The following GNAS variants were observed in gnomAD, a reference collection of about 807,000 sequenced individuals.
GNAS encodes the protein protein ALEX.
GNAS carries 8 observed loss-of-function variants against 54.5 expected under a neutral mutation model. The observed-to-expected ratio is 0.15, with a 90% CI of 0.09 to 0.26. The LOEUF (loss-of-function observed/expected upper bound fraction) is 0.26, where lower values mean the gene tolerates loss of function less well. Ranked by LOEUF, GNAS falls within the 10% of genes least tolerant of loss-of-function variation. The pLI, the probability that GNAS is intolerant of heterozygous loss-of-function variation, is 1.00. For missense variants in GNAS, 170 were observed against 529.8 expected (o/e 0.32, Z 6.67); for synonymous variants, 204 against 191.4 (o/e 1.07, Z -0.54).
At chr20:58,897,660 CTGTTTTCTTTTT>C (rs1037634015) in intron 2 of GNAS, 8 of 152,300 alleles carry the variant, frequency 5.3e-5, no homozygotes, top group African/African-American at 1.9e-4. Flanking sequence ...CTTCTCTTTT[CTGTTTTCTTTTT>C]GGAAAGAGGA....
In GNAS at chr20:58,910,901, G is replaced by C; in HGVS notation, c.*72G>C. On this transcript the variant is annotated 3_prime_UTR_variant, in exon 13 of 13. Transcript: ENST00000371085. The surrounding 1 kb of genome is among the most constrained non-coding windows in gnomAD (Gnocchi z 5.8). Reference sequence around the variant, plus strand: ...AAAGTGAAACGTAATTGTACAAGCAGTTAATCACCCACCATAGGGCATGAT... The same window carrying C: ...AAAGTGAAACGTAATTGTACAAGCACTTAATCACCCACCATAGGGCATGAT... The C allele has an allele frequency of 7.0e-7, 1 of 1,437,688 alleles. No individual in the cohort carries two copies. Among genetic ancestry groups the C allele is most frequent in the Non-Finnish European group, 9.8e-7 (1 of 1,024,682 alleles). 89.1% of individuals were successfully genotyped at this position (1,437,688 alleles called of 1,614,324 possible).
chr20:58,848,700 C>T (rs2086037721), intron 1 of GNAS, among the ~76,000 whole-genome samples: 1 of 152,098 alleles, frequency 6.6e-6, no homozygotes, highest in African/African-American at 2.4e-5. Context: ...CCAATCAGGC[C>T]AATCAAGGTG....
At chr20:58,845,656 A>C (rs2085916391) in intron 1 of GNAS, among the ~76,000 whole-genome samples, 4 of 152,162 alleles carry the variant, frequency 2.6e-5, no homozygotes, top group Admixed American at 2.6e-4. Flanking sequence ...TAAATTTTTT[A>C]CTGGTATTTG....
chr20:58,901,423 C>G, intron 3 of GNAS, among the ~76,000 whole-genome samples: 1 of 152,170 alleles, frequency 6.6e-6, no homozygotes, highest in Non-Finnish European at 1.5e-5. Context: ...GTCTGGGGGC[C>G]AGAATCAGAT....
chr20:58,855,561 AGTG>A, intron 1 of GNAS: 3 of 718,178 alleles, frequency 4.2e-6, no homozygotes, highest in African/African-American at 1.7e-5. Context: ...CAGGGAGAAA[AGTG>A]GTGCCGAGCG....
Position 58,853,680 on chromosome 20 carries a change from A to T in GNAS, c.43+12794A>T. On this transcript the variant is annotated intron_variant, in intron 1 of 12. Coordinates refer to the GNAS transcript ENST00000306090. The surrounding 1 kb of genome is among the most constrained non-coding windows in gnomAD (Gnocchi z 4.4). ...CCTTGAGGCCTTCGGCCCAGCACTCATGGAGCCCGGAGCCTTCAGTGGTGC... is the reference window on the plus strand; with the variant it reads ...CCTTGAGGCCTTCGGCCCAGCACTCTTGGAGCCCGGAGCCTTCAGTGGTGC... 1.2e-6 allele frequency: 2 copies of T among 1,613,720 alleles called. No individual in the cohort carries two copies. Among genetic ancestry groups the T allele is most frequent in the Non-Finnish European group, 1.7e-6 (2 of 1,179,848 alleles).
At chr20:58,845,480 C>T (rs993354973) in intron 1 of GNAS, among the ~76,000 whole-genome samples, 1 of 152,104 alleles carries the variant, frequency 6.6e-6, no homozygotes. Context: ...CGCACCGCAT[C>T]CCCCAAAACC....
At chr20:58,880,966 G>A (rs568864061) in intron 1 of GNAS, among the ~76,000 whole-genome samples, 32 of 152,316 alleles carry the variant, frequency 2.1e-4, no homozygotes, top group South Asian at 1.9e-3. Flanking sequence ...ATTTAAGAAC[G>A]TGCCAGGTAT....
Position 58,895,598 on chromosome 20 carries a change from C to A in GNAS, c.140-14C>A. 6.4e-7 allele frequency: 1 copy of A among 1,556,632 alleles called. No homozygotes were observed. Among genetic ancestry groups the A allele is most frequent in the Non-Finnish European group, 8.9e-7 (1 of 1,127,494 alleles). On this transcript the variant is annotated splice_polypyrimidine_tract_variant and intron_variant, in intron 1 of 12. Coordinates refer to ENST00000371085, the MANE Select transcript of GNAS (RefSeq NM_000516.7). ...TGCCTCCTTCATAACCTGAGACTTA[C>A]TTTCATTTTCTAGGTGCTGGAGAAT... is the stretch of plus-strand genomic sequence containing the variant.
chr20:58,866,668 AT>A (rs1402193986), intron 1 of GNAS, among the ~76,000 whole-genome samples: 1 of 152,108 alleles, frequency 6.6e-6, no homozygotes, highest in Non-Finnish European at 1.5e-5. Context: ...GAGTTTTCAG[AT>A]TGTAACATCT....
At chr20:58,901,889 T>TC (rs1353535886) in intron 3 of GNAS, among the ~76,000 whole-genome samples, 2 of 127,532 alleles carry the variant, frequency 1.6e-5, no homozygotes, top group Non-Finnish European at 3.1e-5. Context: ...GCTCGTCTGC[T>TC]CGTCTGCTCT....
Position 58,910,504 on chromosome 20 carries a change from A to G in GNAS, c.1038+103A>G, listed in dbSNP as rs1009767990. The G allele has an allele frequency of 2.6e-6, 3 of 1,164,616 alleles. No homozygotes were observed. Among genetic ancestry groups the G allele is most frequent in the African/African-American group, 1.5e-5 (1 of 66,142 alleles). 72.1% of individuals were successfully genotyped at this position (1,164,616 alleles called of 1,614,324 possible). A position where few individuals can be genotyped will look rare whatever the true frequency, so the allele number is the denominator to read the frequency against. On this transcript the variant is annotated intron_variant, in intron 12 of 12. Coordinates refer to ENST00000371085, the MANE Select transcript of GNAS (RefSeq NM_000516.7). This position sits in a 1 kb window ranked among gnomAD's most constrained non-coding sequence, Gnocchi z 5.8. ...TTCAGGGGTTCAGCTACCCAGTTCC[A>G]TGGTTTTAGTTCACGCACATCCAGT...
rs193160248 is a variant in GNAS, at chr20:58,849,770, T to G, written c.43+8884T>G. On this transcript the variant is annotated intron_variant, in intron 1 of 12. Coordinates refer to the GNAS transcript ENST00000306090. The stretch of plus-strand genomic sequence containing the variant: ...GAGTGCCGTCCTTCAGCCTTCCTGC[T>G]TCCTTCACCGTGCTAGGTCTCTCCT... 8.5e-5 allele frequency among the ~76,000 whole-genome samples: 13 copies of G among 152,324 alleles called. No individual in the cohort carries two copies. The East Asian group carries it at 2.5e-3, about 29-fold the overall frequency.
intron 1 of GNAS, among the ~76,000 whole-genome samples, chr20:58,869,994 C>T (rs553658325): frequency 6.6e-6 from 1 of 152,304 alleles, no homozygotes; most frequent in South Asian, 2.1e-4. Flanking sequence ...CTGCACCACC[C>T]CACCCAGCAG....
chr20:58,871,633 AC>A (rs2087466024), intron 1 of GNAS, among the ~76,000 whole-genome samples: 9 of 131,802 alleles, frequency 6.8e-5, no homozygotes, highest in South Asian at 2.4e-4. Flanking sequence ...AAAAAAACAA[AC>A]AACAAAAAAA....
chr20:58,853,627 C>T lies in GNAS; in HGVS notation c.43+12741C>T. The T allele has an allele frequency of 6.2e-7, 1 of 1,613,442 alleles. No homozygotes were observed. The highest frequency in any genetic ancestry group is 1.3e-5 in the African/African-American group (1 of 75,076). On this transcript the variant is annotated intron_variant, in intron 1 of 12. Transcript: ENST00000306090. This position sits in a 1 kb window ranked among gnomAD's most constrained non-coding sequence, Gnocchi z 4.4. ...GGCTTCTGGCCTACACTGGAGCAGCCTGGATTCCCCAGTGGGGTCCATGCA... is the reference window on the plus strand; with the variant it reads ...GGCTTCTGGCCTACACTGGAGCAGCTTGGATTCCCCAGTGGGGTCCATGCA...
intron 1 of GNAS, among the ~76,000 whole-genome samples, chr20:58,847,188 G>C (rs1568915908): frequency 6.6e-6 from 1 of 152,100 alleles, no homozygotes; most frequent in African/African-American, 2.4e-5. Flanking sequence ...CTGAACTCAC[G>C]ATGGGGGCTT....
At chr20:58,884,746 G>A (rs1438768739) in intron 1 of GNAS, 1 of 152,238 alleles carries the variant, frequency 6.6e-6, no homozygotes, top group Non-Finnish European at 1.5e-5. Context: ...AGGAAAATTA[G>A]CTTTCCTGCC....
chr20:58,846,082 A>G (rs922881679), intron 1 of GNAS, among the ~76,000 whole-genome samples: 1 of 152,244 alleles, frequency 6.6e-6, no homozygotes, highest in African/African-American at 2.4e-5. Context: ...AAGGAAGACA[A>G]AAGGAAAAGA....
Sources: allele counts gnomAD v4.1 joint callset (sites outside exome capture counted in the v4.1 genomes callset), GRCh38; gene constraint gnomAD v4.1.1; non-coding constraint Gnocchi (gnomAD v3.1); transcripts MANE v1.5; gene names NCBI Gene and HGNC (gene_info 2026-07-23, HGNC 2026-07-21).